ANKRD44: variants seen among roughly 807,000 people sequenced by gnomAD.
ANKRD44 encodes the protein ankyrin repeat domain 44.
Under a neutral mutation model 116.0 loss-of-function variants are expected in ANKRD44, and 35 were observed. The observed-to-expected ratio is 0.30, with a 90% CI of 0.23 to 0.40. The LOEUF (loss-of-function observed/expected upper bound fraction) is 0.40, where lower values mean the gene tolerates loss of function less well. ANKRD44 is among the 10% of genes least tolerant of loss of function. ANKRD44 has a pLI of 1.00. For missense variants in ANKRD44, 1,014 were observed against 1,242.6 expected (o/e 0.82, Z 2.77); for synonymous variants, 435 against 461.8 (o/e 0.94, Z 0.74).
chr2:197,173,335 T>A (rs1559123861), intron 2 of ANKRD44, among the ~76,000 whole-genome samples: 1 of 152,194 alleles, frequency 6.6e-6, no homozygotes, highest in Non-Finnish European at 1.5e-5. Context: ...CCTTTCTAAA[T>A]AAAACTTTGT....
At chr2:197,086,411 C>A (rs2077924235) in intron 13 of ANKRD44, among the ~76,000 whole-genome samples, 1 of 151,870 alleles carries the variant, frequency 6.6e-6, no homozygotes, top group Non-Finnish European at 1.5e-5. Context: ...AAACTATATC[C>A]ATGTAGGAGT....
rs190607937 is a variant in ANKRD44 at position 197,107,779 on chromosome 2, G to T, written c.985+2987C>A. Among the ~76,000 whole-genome samples the T allele has an allele frequency of 1.6e-4, 24 of 152,360 alleles. No individual in the cohort carries two copies. The East Asian group carries it at 3.9e-3, about 25-fold the overall frequency. On this transcript the variant is annotated intron_variant, in intron 9 of 27. Coordinates refer to ENST00000282272, the MANE Select transcript of ANKRD44 (RefSeq NM_001195144.2). ...GCTAGGTGATGTCCCACTCTGGGGG[G>T]ACTGACACCAGGCCCTAGGGGCATG...
chr2:197,212,046 T>TCA lies in ANKRD44; in HGVS notation c.28-24941_28-24940insTG, dbSNP rs1166282576. ...GCCTCTCTCTCTCTCTCAGTCTCTC[T>TCA]CTCTCTCACACACACACACACACAC... On this transcript the variant is annotated intron_variant, in intron 1 of 27. Transcript: ENST00000282272. This position sits in a 1 kb window ranked among gnomAD's most constrained non-coding sequence, Gnocchi z 4.8. 0.035 allele frequency among the ~76,000 whole-genome samples: 2,836 copies of TCA among 80,812 alleles called. 82 individuals carry two copies. The highest frequency in any genetic ancestry group is 0.088 in the African/African-American group (2,581 of 29,188). 53.0% of individuals were successfully genotyped at this position (80,812 alleles called of 152,430 possible). A position where few individuals can be genotyped will look rare whatever the true frequency, so the allele number is the denominator to read the frequency against.
downstream of ANKRD44, among the ~76,000 whole-genome samples, chr2:196,986,252 A>G (rs1375523395): frequency 1.3e-5 from 2 of 152,156 alleles, no homozygotes; most frequent in Non-Finnish European, 2.9e-5. Context: ...CCCCATCTCT[A>G]CAAAAAAACA....
At chr2:197,233,789 A>G (rs1213706950) in intron 1 of ANKRD44, among the ~76,000 whole-genome samples, 2 of 152,238 alleles carry the variant, frequency 1.3e-5, no homozygotes. Flanking sequence ...TTTCTCTCAC[A>G]AGACACCACA....
chr2:197,210,988 T>A (rs2081311700), intron 1 of ANKRD44, among the ~76,000 whole-genome samples: 1 of 152,108 alleles, frequency 6.6e-6, no homozygotes, highest in South Asian at 2.1e-4. Context: ...CCTCATAGTA[T>A]GTAGACGCCA....
intron 10 of ANKRD44, among the ~76,000 whole-genome samples, chr2:197,093,311 A>C (rs1485126124): frequency 6.6e-6 from 1 of 152,178 alleles, no homozygotes; most frequent in Non-Finnish European, 1.5e-5. Context: ...TAACAGCAAC[A>C]ATATGATATA....
chr2:197,096,715 T>C (rs1224083388), intron 10 of ANKRD44, among the ~76,000 whole-genome samples: 1 of 152,226 alleles, frequency 6.6e-6, no homozygotes, highest in Non-Finnish European at 1.5e-5. Flanking sequence ...TTTTCACTTA[T>C]CTATGAAAGG....
At chr2:197,000,543 T>C in intron 22 of ANKRD44, 41 bp from the exon 23 acceptor site, 1 of 1,492,404 alleles carries the variant, frequency 6.7e-7, no homozygotes, top group Non-Finnish European at 9.4e-7. Context: ...TCTCACTCTT[T>C]TAAATTATAT....
chr2:197,118,637 G>GAGAA (rs71012953), intron 8 of ANKRD44, among the ~76,000 whole-genome samples: 1,512 of 112,388 alleles, frequency 0.013, 14 homozygotes, highest in African/African-American at 0.029. Flanking sequence ...GAGAGAGAGA[G>GAGAA]AGAAAGAAAG....
intron 8 of ANKRD44, among the ~76,000 whole-genome samples, chr2:197,111,830 CTTACT>C (rs1378267402): frequency 6.6e-6 from 1 of 151,868 alleles, no homozygotes; most frequent in Non-Finnish European, 1.5e-5. Flanking sequence ...AAGAGAATCT[CTTACT>C]TTACTTAACT....
chr2:197,098,669 T>A (rs1386960417), intron 10 of ANKRD44, among the ~76,000 whole-genome samples: 6 of 152,224 alleles, frequency 3.9e-5, no homozygotes, highest in Non-Finnish European at 8.8e-5. Context: ...GCTTTTAACA[T>A]GCGTTATCTT....
Position 197,099,914 on chromosome 2 carries a change from A to G in ANKRD44, c.1002T>C (p.Cys334=), listed in dbSNP as rs1238464934. ...GAGGAGTGTTGCCGTCCTTATCCAC[A>G]CAGTCAATTTCACCTCCTGAAAGAG... ...TLIQNGGEID[C]VDKDGNTPLH... is the part of the protein sequence containing the mutation. The change falls in exon 10 of 28, where the codon TGT becomes TGC. Residue 334 remains cysteine, a synonymous_variant. Coordinates refer to ENST00000282272, the MANE Select transcript of ANKRD44 (RefSeq NM_001195144.2). 1 of 1,614,120 alleles carries G rather than the reference A, an allele frequency of 6.2e-7. No individual in the cohort carries two copies. The highest frequency in any genetic ancestry group is 8.5e-7 in the Non-Finnish European group (1 of 1,179,992).
At chr2:197,099,143 C>T (rs2078231790) in intron 10 of ANKRD44, among the ~76,000 whole-genome samples, 1 of 152,068 alleles carries the variant, frequency 6.6e-6, no homozygotes, top group African/African-American at 2.4e-5. Flanking sequence ...CACCTTTGAG[C>T]TCTCTCCTCC....
chr2:197,157,205 A>G (rs1327970307), intron 2 of ANKRD44, among the ~76,000 whole-genome samples: 1 of 152,216 alleles, frequency 6.6e-6, no homozygotes, highest in East Asian at 1.9e-4. Context: ...AGTTAAAAAT[A>G]CCCCTAAGCA....
Position 197,136,352 on chromosome 2 carries a change from AACTCATTGAAATT to A in ANKRD44, c.261+227_261+239del, listed in dbSNP as rs559994264. 390 of 545,544 alleles carry A rather than the reference AACTCATTGAAATT, an allele frequency of 7.1e-4. 2 individuals are homozygous for A. The highest frequency in any genetic ancestry group is 6.3e-3 in the African/African-American group (332 of 52,582). The allele number at this position is 545,544 out of a possible 1,614,324, so 33.8% of individuals were successfully genotyped here. On this transcript the variant is annotated intron_variant, in intron 4 of 27. Coordinates refer to ENST00000282272, the MANE Select transcript of ANKRD44 (RefSeq NM_001195144.2). ...TGCTTTGCCTCCTCCCCAGGCTGAG[AACTCATTGAAATT>A]CAGGATCATGCTGTCCATGTTGAAC... is the stretch of plus-strand genomic sequence containing the variant.
intron 9 of ANKRD44, among the ~76,000 whole-genome samples, chr2:197,102,072 A>C (rs1277293366): frequency 6.6e-6 from 1 of 152,062 alleles, no homozygotes; most frequent in Non-Finnish European, 1.5e-5. Context: ...AAAAACAAAA[A>C]CAAAAACAAA....
chr2:196,991,327 G>T lies in ANKRD44; in HGVS notation c.2924-1678C>A, dbSNP rs2075911856. ...AGCACACACACACCATGAGCCTCAGGCCTGGGCCTGAGAAGGACTCTCATT... is the reference window on the plus strand; with the variant it reads ...AGCACACACACACCATGAGCCTCAGTCCTGGGCCTGAGAAGGACTCTCATT... On this transcript the variant is annotated intron_variant, in intron 27 of 27. Transcript: ENST00000282272. Among the ~76,000 whole-genome samples the T allele has an allele frequency of 3.3e-5, 5 of 152,214 alleles. No homozygotes were observed. In the South Asian group the frequency reaches 8.3e-4, roughly 25 times the overall value.
intron 16 of ANKRD44, among the ~76,000 whole-genome samples, chr2:197,074,706 T>C (rs928134901): frequency 3.9e-5 from 6 of 152,298 alleles, no homozygotes; most frequent in Admixed American, 2.6e-4. Flanking sequence ...CTTGAATTCC[T>C]GGACTCAAGC....
Sources: allele counts gnomAD v4.1 joint callset (sites outside exome capture counted in the v4.1 genomes callset), GRCh38; gene constraint gnomAD v4.1.1; non-coding constraint Gnocchi (gnomAD v3.1); transcripts MANE v1.5; gene names NCBI Gene and HGNC (gene_info 2026-07-23, HGNC 2026-07-21).